The following ZNF354B variants were observed in gnomAD, a reference collection of about 807,000 sequenced individuals.
ZNF354B encodes the protein zinc finger protein 354B.
In ZNF354B, 10 loss-of-function variants were observed where a neutral mutation model predicts 12.9. That is an observed-to-expected ratio of 0.77 (90% CI 0.48 to 1.31). The LOEUF (loss-of-function observed/expected upper bound fraction) is 1.31. Among genes scored for constraint, ZNF354B ranks in the 40% most tolerant of loss-of-function variants. ZNF354B has a pLI of 0.00. For synonymous variants in ZNF354B, 260 were observed against 243.7 expected (o/e 1.07, Z -0.62); for missense variants, 614 against 711.7 (o/e 0.86, Z 1.56).
At chr5:178,862,830 G>A (rs910126617) in intron 2 of ZNF354B, among the ~76,000 whole-genome samples, 2 of 152,218 alleles carry the variant, frequency 1.3e-5, no homozygotes, top group African/African-American at 4.8e-5. Flanking sequence ...ATCCCTGTGT[G>A]TGGGTGAGTC....
rs764129955 is a variant in ZNF354B, at chr5:178,860,362, CG to C, written c.-52+238del. 6.6e-4 allele frequency among the ~76,000 whole-genome samples: 93 copies of C among 141,716 alleles called. 1 individual carries two copies. The highest frequency in any genetic ancestry group is 3.9e-4 in the Non-Finnish European group (24 of 61,968). 93.0% of individuals were successfully genotyped at this position (141,716 alleles called of 152,430 possible). On this transcript the variant is annotated intron_variant, in intron 1 of 4. Coordinates refer to ENST00000322434, the MANE Select transcript of ZNF354B (RefSeq NM_058230.3). ...GAACGCGGGGCCAGGCGTTTCCTCC[CG>C]GGCCCACCCTGCGCGCGCCGTGTGG...
chr5:178,862,631 G>T (rs1757377401), intron 2 of ZNF354B, among the ~76,000 whole-genome samples: 1 of 152,234 alleles, frequency 6.6e-6, no homozygotes, highest in South Asian at 2.1e-4. Flanking sequence ...GCCTCCCGGA[G>T]TGCTGGGATT....
chr5:178,884,347 A>G lies in ZNF354B; in HGVS notation c.*56A>G. The G allele has an allele frequency of 6.7e-7, 1 of 1,492,706 alleles. No individual in the cohort carries two copies. Among genetic ancestry groups the G allele is most frequent in the Non-Finnish European group, 9.0e-7 (1 of 1,114,598 alleles). 92.5% of individuals were successfully genotyped at this position (1,492,706 alleles called of 1,614,324 possible). A position where few individuals can be genotyped will look rare whatever the true frequency, so the allele number is the denominator to read the frequency against. On this transcript the variant is annotated 3_prime_UTR_variant, in exon 5 of 5. Transcript: ENST00000322434. Reference sequence around the variant, plus strand: ...CATGCTTGAGAGTGATTTATTAAATATAATGAATATGAGAAAACTCTTAGT... The same window carrying G: ...CATGCTTGAGAGTGATTTATTAAATGTAATGAATATGAGAAAACTCTTAGT...
chr5:178,865,637 T>G (rs1231250080), intron 2 of ZNF354B, among the ~76,000 whole-genome samples: 1 of 152,182 alleles, frequency 6.6e-6, no homozygotes, highest in African/African-American at 2.4e-5. Flanking sequence ...CGATAACTAT[T>G]TTCTTCATAA....
chr5:178,873,713 TGTTTTTTAGAAA>T (rs1757595428), intron 4 of ZNF354B, among the ~76,000 whole-genome samples: 1 of 152,174 alleles, frequency 6.6e-6, no homozygotes, highest in African/African-American at 2.4e-5. Flanking sequence ...TACTTCTTGT[TGTTTTTTAGAAA>T]GTTTTATCTA....
intron 3 of ZNF354B, among the ~76,000 whole-genome samples, 186 bp downstream of exon 3, chr5:178,866,556 C>T (rs1757460595): frequency 6.6e-6 from 1 of 152,134 alleles, no homozygotes; most frequent in Admixed American, 6.5e-5. Flanking sequence ...TGCTCTATGT[C>T]TTGGCGGGTG....
chr5:178,878,600 T>C (rs1244273285), intron 4 of ZNF354B, among the ~76,000 whole-genome samples: 1 of 152,234 alleles, frequency 6.6e-6, no homozygotes, highest in Non-Finnish European at 1.5e-5. Context: ...TCTAAAGCCT[T>C]TTAAAATAAA....
chr5:178,872,078 A>G (rs572553929), intron 4 of ZNF354B, among the ~76,000 whole-genome samples: 1 of 152,332 alleles, frequency 6.6e-6, no homozygotes, highest in East Asian at 1.9e-4. Flanking sequence ...CAGTCAGCAC[A>G]GAGATCCCTC....
chr5:178,866,097 C>T, intron 2 of ZNF354B, 147 bp from the exon 3 acceptor site: 5 of 1,189,234 alleles, frequency 4.2e-6, no homozygotes, highest in Non-Finnish European at 4.6e-6. Flanking sequence ...TTGTTACTGG[C>T]CAATTATTCA....
At chr5:178,863,984 A>G (rs1229463947) in intron 2 of ZNF354B, among the ~76,000 whole-genome samples, 3 of 152,258 alleles carry the variant, frequency 2.0e-5, no homozygotes, top group Non-Finnish European at 4.4e-5. Context: ...GTTACTACAA[A>G]AGAGTCAAAG....
At chr5:178,866,471 A>T in intron 3 of ZNF354B, 101 bp downstream of exon 3, 4 of 1,498,710 alleles carry the variant, frequency 2.7e-6, no homozygotes, top group Non-Finnish European at 3.6e-6. Flanking sequence ...ATTTGAGCTC[A>T]GTTTGAGGAT....
chr5:178,872,301 G>A (rs999401074), intron 4 of ZNF354B, among the ~76,000 whole-genome samples: 11 of 151,904 alleles, frequency 7.2e-5, no homozygotes, highest in African/African-American at 2.4e-4. Context: ...AAATTCATCT[G>A]TGTAGTTGTA....
chr5:178,864,267 T>C lies in ZNF354B; in HGVS notation c.34-1977T>C, dbSNP rs12653128. On this transcript the variant is annotated intron_variant, in intron 2 of 4. Transcript: ENST00000322434. The stretch of plus-strand genomic sequence containing the variant: ...GCTGTAGCGTACCATGCCTTTTTTA[T>C]GTTTAAATATATTTACATGCACAGA... 0.011 allele frequency among the ~76,000 whole-genome samples: 1,637 copies of C among 152,312 alleles called. 62 individuals carry two copies. The East Asian group carries it at 0.13, about 12-fold the overall frequency.
rs796805424 is a variant in ZNF354B at position 178,868,845 on chromosome 5, G to A, written c.256+1774G>A. Among the ~76,000 whole-genome samples the A allele has an allele frequency of 5.9e-5, 9 of 152,086 alleles. No homozygotes were observed. In the East Asian group the frequency reaches 7.8e-4, roughly 13 times the overall value. On this transcript the variant is annotated intron_variant, in intron 4 of 4. Transcript: ENST00000322434. ...AAATTAGCCGGGCATGGTGGCGGGC[G>A]CCTGTAGTCCCAGCTACTCGGGAGA...
intron 2 of ZNF354B, among the ~76,000 whole-genome samples, chr5:178,865,093 CCTTTAA>C (rs1261225265): frequency 2.0e-5 from 3 of 152,110 alleles, no homozygotes; most frequent in Non-Finnish European, 2.9e-5. Context: ...GACATTGGAA[CCTTTAA>C]TGTGAGCCCG....
chr5:178,873,649 CCA>C (rs1757594671), intron 4 of ZNF354B, among the ~76,000 whole-genome samples: 1 of 152,134 alleles, frequency 6.6e-6, no homozygotes, highest in Non-Finnish European at 1.5e-5. Context: ...TCTGCCAATA[CCA>C]CACAGTGTTG....
intron 4 of ZNF354B, among the ~76,000 whole-genome samples, chr5:178,874,329 T>C (rs925270932): frequency 6.6e-6 from 1 of 152,204 alleles, no homozygotes; most frequent in Non-Finnish European, 1.5e-5. Flanking sequence ...TATCCTGAAA[T>C]GTGCTTTCCA....
intron 4 of ZNF354B, among the ~76,000 whole-genome samples, chr5:178,877,594 G>T (rs186446156): frequency 3.9e-5 from 6 of 152,300 alleles, no homozygotes; most frequent in Non-Finnish European, 2.9e-5. Context: ...AAAAATGGCA[G>T]CCTGCATTTG....
At chr5:178,877,170 T>C (rs1757650965) in intron 4 of ZNF354B, among the ~76,000 whole-genome samples, 1 of 152,072 alleles carries the variant, frequency 6.6e-6, no homozygotes, top group Admixed American at 6.6e-5. Context: ...TTCTTTGTTT[T>C]GTTTTGTTTT....
Sources: gnomAD v4.1 joint callset for allele counts (sites outside exome capture counted in the v4.1 genomes callset) on GRCh38, gnomAD v4.1.1 for gene constraint, MANE v1.5 for transcripts, NCBI Gene and HGNC (gene_info 2026-07-23, HGNC 2026-07-21) for gene names.